The following ZNF804A variants were observed in gnomAD, a reference collection of about 807,000 sequenced individuals.
The protein encoded by ZNF804A is zinc finger protein 804A.
In ZNF804A, 2 loss-of-function variants were observed where a neutral mutation model predicts 16.5. That is an observed-to-expected ratio of 0.12 (90% confidence interval 0.05 to 0.38). The LOEUF is 0.38. ZNF804A is among the 10% of genes least tolerant of loss of function. ZNF804A has a pLI of 0.99. For missense variants in ZNF804A, 1,473 were observed against 1,390.7 expected, an observed-to-expected ratio of 1.06 and a Z score of -0.94; for synonymous variants, 534 against 489.6, an observed-to-expected ratio of 1.09 and a Z score of -1.20.
rs373818711 is a variant in ZNF804A, at chr2:184,635,073, A to G, written c.111+36003A>G. On this transcript the variant is annotated intron_variant, in intron 1 of 3. Transcript: ENST00000302277. ...TTTTTCCTTTTAAAATAATTATAGT[A>G]GTCTACTTATGAAATGGATATTATT... 2.4e-4 allele frequency among the ~76,000 whole-genome samples: 37 copies of G among 152,292 alleles called. 1 individual carries two copies. The South Asian group carries it at 7.7e-3, about 32-fold the overall frequency.
chr2:184,732,297 T>C (rs1370327603), intron 1 of ZNF804A, among the ~76,000 whole-genome samples: 2 of 152,118 alleles, frequency 1.3e-5, no homozygotes, highest in East Asian at 1.9e-4. Context: ...GCATACTTTG[T>C]TGAAAATACT....
chr2:184,863,955 C>T (rs1695836482), intron 1 of ZNF804A, among the ~76,000 whole-genome samples: 1 of 152,024 alleles, frequency 6.6e-6, no homozygotes. Context: ...GAATAATTGA[C>T]AAATTTGCTG....
chr2:184,848,574 A>G (rs1392515438), intron 1 of ZNF804A, among the ~76,000 whole-genome samples: 6 of 152,100 alleles, frequency 3.9e-5, no homozygotes, highest in Non-Finnish European at 7.4e-5. Context: ...CAAGTGTGTT[A>G]TGCAAACATC....
At chr2:184,903,928 A>C (rs1450304332) in intron 2 of ZNF804A, among the ~76,000 whole-genome samples, 1 of 152,084 alleles carries the variant, frequency 6.6e-6, no homozygotes, top group Admixed American at 6.6e-5. Flanking sequence ...AATAATTAAA[A>C]TTGCCTCTGT....
At chr2:184,734,265 T>A (rs1169277541) in intron 1 of ZNF804A, among the ~76,000 whole-genome samples, 3 of 152,156 alleles carry the variant, frequency 2.0e-5, no homozygotes, top group Non-Finnish European at 2.9e-5. Flanking sequence ...GCTTAGATTG[T>A]TGAATTTTAC....
chr2:184,795,322 C>T (rs1574216153), intron 1 of ZNF804A, among the ~76,000 whole-genome samples: 1 of 152,048 alleles, frequency 6.6e-6, no homozygotes. Context: ...TCATTAAGCA[C>T]TAGGTCAGAA....
intron 1 of ZNF804A, among the ~76,000 whole-genome samples, chr2:184,766,829 T>C (rs1027874642): frequency 6.6e-6 from 1 of 152,138 alleles, no homozygotes; most frequent in Non-Finnish European, 1.5e-5. Flanking sequence ...AGCTGAACTG[T>C]GTCCCATGCA....
chr2:184,649,006 G>A (rs981283390), intron 1 of ZNF804A, among the ~76,000 whole-genome samples: 16 of 151,802 alleles, frequency 1.1e-4, no homozygotes, highest in Middle Eastern at 3.4e-3. Flanking sequence ...CACGGAACAC[G>A]CTCAAAAATC....
chr2:184,748,026 C>G (rs1693820179), intron 1 of ZNF804A, among the ~76,000 whole-genome samples: 2 of 150,410 alleles, frequency 1.3e-5, no homozygotes, highest in Admixed American at 6.7e-5. Context: ...TTTTCTTTAG[C>G]CAGTCCACTA....
intron 2 of ZNF804A, among the ~76,000 whole-genome samples, chr2:184,894,417 G>A (rs186383355): frequency 6.6e-6 from 1 of 152,072 alleles, no homozygotes; most frequent in Non-Finnish European, 1.5e-5. Context: ...TGATATATTT[G>A]TAGTCATTTT....
chr2:184,935,109 G>A (rs1445200931), intron 3 of ZNF804A, among the ~76,000 whole-genome samples: 1 of 152,114 alleles, frequency 6.6e-6, no homozygotes, highest in East Asian at 1.9e-4. Context: ...ACAGTGTAAT[G>A]TAATTCCAAA....
intron 1 of ZNF804A, among the ~76,000 whole-genome samples, chr2:184,799,441 C>T (rs1694689045): frequency 6.6e-6 from 1 of 152,086 alleles, no homozygotes; most frequent in South Asian, 2.1e-4. Context: ...TATTAAGCTA[C>T]AGTTTTCCTT....
At chr2:184,797,517 T>C (rs570283882) in intron 1 of ZNF804A, among the ~76,000 whole-genome samples, 1 of 152,280 alleles carries the variant, frequency 6.6e-6, no homozygotes, top group East Asian at 1.9e-4. Context: ...TATGAGTCTG[T>C]GTGTTAGGTG....
chr2:184,692,682 C>T (rs1339355613), intron 1 of ZNF804A, among the ~76,000 whole-genome samples: 2 of 152,040 alleles, frequency 1.3e-5, no homozygotes, highest in East Asian at 1.9e-4. Context: ...ATTGATTTTC[C>T]CATAAGGGTA....
intron 1 of ZNF804A, among the ~76,000 whole-genome samples, chr2:184,738,978 A>G (rs2105751817): frequency 1.3e-5 from 2 of 152,364 alleles, no homozygotes; most frequent in South Asian, 4.1e-4. Flanking sequence ...ATCATTTATG[A>G]TAATTAGCAA....
chr2:184,831,539 T>C (rs1460009158), intron 1 of ZNF804A, among the ~76,000 whole-genome samples: 1 of 152,106 alleles, frequency 6.6e-6, no homozygotes, highest in Non-Finnish European at 1.5e-5. Context: ...AGCATCAGTG[T>C]TGCTTGAGAA....
intron 1 of ZNF804A, among the ~76,000 whole-genome samples, chr2:184,786,253 C>G (rs548483158): frequency 1.5e-4 from 23 of 152,032 alleles, no homozygotes; most frequent in Admixed American, 7.2e-4. Context: ...CGTTGGAATT[C>G]TCAAGCTAAT....
chr2:184,646,724 AC>A (rs1191778867), intron 1 of ZNF804A, among the ~76,000 whole-genome samples: 3 of 152,120 alleles, frequency 2.0e-5, no homozygotes, highest in East Asian at 1.9e-4. Context: ...AATTTAGACT[AC>A]CCCCCATCCC....
intron 1 of ZNF804A, among the ~76,000 whole-genome samples, chr2:184,839,362 G>A (rs1266803958): frequency 1.3e-5 from 2 of 151,744 alleles, no homozygotes; most frequent in African/African-American, 4.8e-5. Context: ...AAGTTTTTGG[G>A]GATTCGTATG....
Sources: gnomAD v4.1 joint callset for allele counts (sites outside exome capture counted in the v4.1 genomes callset) on GRCh38, gnomAD v4.1.1 for gene constraint, MANE v1.5 for transcripts, NCBI Gene and HGNC (gene_info 2026-07-23, HGNC 2026-07-21) for gene names.